Variants in C2orf80 observed in about 807,000 individuals in gnomAD.
The protein encoded by C2orf80 is chromosome 2 open reading frame 80, also known as uncharacterized protein C2orf80.
In C2orf80, 28 loss-of-function variants were observed where a neutral mutation model predicts 30.2. The ratio of observed to expected loss-of-function variants is 0.93; its 90% CI spans 0.69 to 1.27. The LOEUF (loss-of-function observed/expected upper bound fraction) is 1.27. Among genes scored for constraint, C2orf80 ranks in the 50% most tolerant of loss-of-function variants. C2orf80 has a pLI of 0.00. For missense variants in C2orf80, 220 were observed against 231.0 expected, an observed-to-expected ratio of 0.95 and a Z score of 0.31; for synonymous variants, 80 against 76.4, an observed-to-expected ratio of 1.05 and a Z score of -0.24.
chr2:208,188,085 CGTGTGTGTGTGTGTGTGTGT>C (rs139478315), intron 1 of C2orf80, among the ~76,000 whole-genome samples: 1 of 144,112 alleles, frequency 6.9e-6, no homozygotes, highest in African/African-American at 2.5e-5. Context: ...TATACTGCAC[CGTGTGTGTGTGTGTGTGTGT>C]GTGTGTGTGT....
At chr2:208,171,527 G>A (rs988868295) in intron 7 of C2orf80, among the ~76,000 whole-genome samples, 2 of 152,074 alleles carry the variant, frequency 1.3e-5, no homozygotes, top group Admixed American at 6.6e-5. Context: ...CACCGTGTTG[G>A]CCAGGCTGGT....
At chr2:208,180,897 C>T in intron 5 of C2orf80, 81 bp from the exon 6 acceptor site, 1 of 1,203,724 alleles carries the variant, frequency 8.3e-7, no homozygotes. Flanking sequence ...AATATAGCTC[C>T]AGTATGTCTA....
Position 208,185,126 on chromosome 2 carries a change from C to T in C2orf80, c.42-94G>A, listed in dbSNP as rs909628630. The T allele has an allele frequency of 3.5e-5, 27 of 776,054 alleles. 1 individual carries two copies. The highest frequency in any genetic ancestry group is 2.3e-4 in the Middle Eastern group (1 of 4,266). The allele number at this position is 776,054 out of a possible 1,614,324, so 48.1% of individuals were successfully genotyped here. On this transcript the variant is annotated intron_variant, in intron 2 of 8. Coordinates refer to ENST00000341287, the MANE Select transcript of C2orf80 (RefSeq NM_001099334.3). ...TTTTTTCCCATCCCTCCCTCCCCCA[C>T]CAAAATACAAGAGAATTTGCAGATG...
At chr2:208,187,867 A>G (rs920570694) in intron 1 of C2orf80, among the ~76,000 whole-genome samples, 3 of 151,856 alleles carry the variant, frequency 2.0e-5, no homozygotes, top group East Asian at 1.9e-4. Context: ...GCCTTTTCCA[A>G]TCAGTCGAAA....
chr2:208,178,708 G>A (rs941604322), intron 6 of C2orf80, among the ~76,000 whole-genome samples: 1 of 152,072 alleles, frequency 6.6e-6, no homozygotes, highest in Non-Finnish European at 1.5e-5. Context: ...GAGCCCAGGA[G>A]TTCAAGACCA....
At chr2:208,170,923 C>T in intron 8 of C2orf80, 22 bp downstream of exon 8, 1 of 1,587,128 alleles carries the variant, frequency 6.3e-7, no homozygotes, top group Middle Eastern at 1.7e-4. Flanking sequence ...CAGTTTGGTC[C>T]AATTTACAAT....
rs1472114991 is a variant in C2orf80 at position 208,181,425 on chromosome 2, A to G, written c.207-120T>C. 4 of 581,786 alleles carry G rather than the reference A, an allele frequency of 6.9e-6. No individual in the cohort carries two copies. In the Admixed American group the frequency reaches 8.9e-5, roughly 13 times the overall value. The allele number at this position is 581,786 out of a possible 1,614,324, so 36.0% of individuals were successfully genotyped here. ...GGCTGTGTGCTATCTGCTTATTTAT[A>G]TTAATAAAATTGGTATGATTGTTCC... On this transcript the variant is annotated intron_variant, in intron 4 of 8. Coordinates refer to ENST00000341287, the MANE Select transcript of C2orf80 (RefSeq NM_001099334.3).
intron 6 of C2orf80, among the ~76,000 whole-genome samples, chr2:208,179,061 CA>C (rs1239121959): frequency 6.6e-6 from 1 of 152,006 alleles, no homozygotes; most frequent in Non-Finnish European, 1.5e-5. Flanking sequence ...AAACGGCCTG[CA>C]AAAAAGTTTT....
At chr2:208,186,922 A>C (rs556468731) in intron 2 of C2orf80, 24 bp downstream of exon 2, 9 of 1,606,050 alleles carry the variant, frequency 5.6e-6, no homozygotes, top group Non-Finnish European at 7.7e-6. Flanking sequence ...GTCATAAATG[A>C]AAGTTATTCT....
intron 6 of C2orf80, among the ~76,000 whole-genome samples, chr2:208,178,753 AT>A (rs1006961303): frequency 1.1e-4 from 17 of 151,388 alleles, no homozygotes; most frequent in Middle Eastern, 3.4e-3. Context: ...CATCCCTAAA[AT>A]TTTTTTTTAA....
chr2:208,172,882 TGA>T (rs954231087), intron 6 of C2orf80, among the ~76,000 whole-genome samples: 3 of 152,006 alleles, frequency 2.0e-5, no homozygotes, highest in African/African-American at 7.2e-5. Flanking sequence ...TTTGGGAGGC[TGA>T]GGCGGGTGAA....
At chr2:208,174,924 T>A (rs1696232275) in intron 6 of C2orf80, among the ~76,000 whole-genome samples, 1 of 152,206 alleles carries the variant, frequency 6.6e-6, no homozygotes. Flanking sequence ...AGCTGAAGAA[T>A]ATTTTTATTT....
At chr2:208,185,061 A>G in intron 2 of C2orf80, 29 bp from the exon 3 acceptor site, 1 of 1,569,320 alleles carries the variant, frequency 6.4e-7, no homozygotes, top group Non-Finnish European at 8.8e-7. Context: ...GCATTGAACC[A>G]TTGGAGTGAC....
chr2:208,177,629 C>T (rs1696404205), intron 6 of C2orf80, among the ~76,000 whole-genome samples: 1 of 151,996 alleles, frequency 6.6e-6, no homozygotes, highest in Non-Finnish European at 1.5e-5. Flanking sequence ...ATAATATTAT[C>T]TCTTTCTGTT....
chr2:208,175,306 G>T (rs1187955983), intron 6 of C2orf80, among the ~76,000 whole-genome samples: 1 of 151,532 alleles, frequency 6.6e-6, no homozygotes, highest in African/African-American at 2.4e-5. Context: ...AAAAAAAAAT[G>T]AGTAAGACAT....
intron 5 of C2orf80, among the ~76,000 whole-genome samples, 173 bp downstream of exon 5, chr2:208,181,044 CA>C (rs1477913639): frequency 6.6e-6 from 1 of 152,120 alleles, no homozygotes; most frequent in African/African-American, 2.4e-5. Flanking sequence ...AATGTTTTCA[CA>C]TACAGTGTAG....
intron 2 of C2orf80, among the ~76,000 whole-genome samples, chr2:208,186,493 G>T (rs1255931424): frequency 1.3e-5 from 2 of 152,182 alleles, no homozygotes; most frequent in Non-Finnish European, 2.9e-5. Flanking sequence ...TTTTAAAAAT[G>T]TTCAGATGTA....
At chr2:208,176,968 T>C (rs1696355677) in intron 6 of C2orf80, among the ~76,000 whole-genome samples, 1 of 117,332 alleles carries the variant, frequency 8.5e-6, no homozygotes, top group African/African-American at 3.0e-5. Context: ...TACATATGTA[T>C]ACATATATAC....
chr2:208,185,557 C>T (rs970447169), intron 2 of C2orf80, among the ~76,000 whole-genome samples: 15 of 152,170 alleles, frequency 9.9e-5, no homozygotes, highest in Middle Eastern at 3.4e-3. Context: ...TGGATCCTTT[C>T]CTAACAGTGA....
Sources: gnomAD v4.1 joint callset for allele counts (sites outside exome capture counted in the v4.1 genomes callset) on GRCh38, gnomAD v4.1.1 for gene constraint, MANE v1.5 for transcripts, NCBI Gene and HGNC (gene_info 2026-07-23, HGNC 2026-07-21) for gene names.